Variants in ZCCHC7 observed in about 807,000 individuals in gnomAD.
The protein encoded by ZCCHC7 is zinc finger CCHC domain-containing protein 7.
ZCCHC7 carries 35 observed loss-of-function variants against 52.0 expected under a neutral mutation model. The observed-to-expected ratio is 0.67, with a 90% CI of 0.51 to 0.89. ZCCHC7 has a LOEUF of 0.89. Ranked by LOEUF, ZCCHC7 falls within the 40% of genes least tolerant of loss-of-function variation. The probability of loss-of-function intolerance (pLI) is 0.00; values close to 1 mark genes in which losing one functional copy is unlikely to be tolerated. For synonymous variants in ZCCHC7, 217 were observed against 221.5 expected (o/e 0.98, Z 0.18); for missense variants, 574 against 649.1 (o/e 0.88, Z 1.26).
intron 5 of ZCCHC7, among the ~76,000 whole-genome samples, chr9:37,320,973 G>GT (rs58809947): frequency 6.8e-6 from 1 of 147,166 alleles, no homozygotes; most frequent in African/African-American, 2.5e-5. Context: ...ATATAATTGG[G>GT]TTTTTTCTTT....
chr9:37,287,966 T>G (rs1828334309), intron 2 of ZCCHC7, among the ~76,000 whole-genome samples: 1 of 152,050 alleles, frequency 6.6e-6, no homozygotes, highest in Non-Finnish European at 1.5e-5. Context: ...CCATTTGGAC[T>G]TAAAGACCTT....
intron 2 of ZCCHC7, among the ~76,000 whole-genome samples, chr9:37,194,271 T>A (rs1277882262): frequency 6.6e-6 from 1 of 152,174 alleles, no homozygotes. Flanking sequence ...AGTACTTGAT[T>A]CCTGGTGATT....
intron 2 of ZCCHC7, among the ~76,000 whole-genome samples, chr9:37,165,311 CTT>C (rs555387893): frequency 2.9e-4 from 44 of 151,254 alleles, no homozygotes; most frequent in African/African-American, 1.0e-3. Context: ...ATGCAGATGA[CTT>C]TTTTGTTTTT....
chr9:37,356,060 G>A (rs1433428980), intron 8 of ZCCHC7, among the ~76,000 whole-genome samples: 1 of 152,040 alleles, frequency 6.6e-6, no homozygotes, highest in East Asian at 1.9e-4. Context: ...ATCGACGTCT[G>A]TAGCATAAAT....
At position 37,356,579 on chromosome 9, in the gene ZCCHC7, C is replaced by G. The variant is rs189234546; in HGVS notation, c.1199-256C>G. On this transcript the variant is annotated intron_variant, in intron 8 of 8. Transcript: ENST00000336755. ...AAAGCTAAGATGATTACTGTTCTTACAGGTCCTCATCTCCATTGCTTAACC... is the reference window on the plus strand; with the variant it reads ...AAAGCTAAGATGATTACTGTTCTTAGAGGTCCTCATCTCCATTGCTTAACC... Among the ~76,000 whole-genome samples, 4 of 152,316 alleles carry G rather than the reference C, an allele frequency of 2.6e-5. No individual in the cohort carries two copies. In the East Asian group the frequency reaches 7.7e-4, roughly 29 times the overall value.
intron 2 of ZCCHC7, among the ~76,000 whole-genome samples, chr9:37,153,976 A>G (rs1481166673): frequency 6.6e-6 from 1 of 152,042 alleles, no homozygotes; most frequent in Non-Finnish European, 1.5e-5. Context: ...TGCAGCCTCA[A>G]TCTTCAAGTT....
chr9:37,336,178 A>C (rs2118359092), intron 6 of ZCCHC7, among the ~76,000 whole-genome samples: 1 of 152,286 alleles, frequency 6.6e-6, no homozygotes, highest in African/African-American at 2.4e-5. Flanking sequence ...AACCAGCCTG[A>C]TTTCATAGCA....
chr9:37,207,055 G>T lies in ZCCHC7; in HGVS notation c.610+80113G>T, dbSNP rs143637269. On this transcript the variant is annotated intron_variant, in intron 2 of 8. Coordinates refer to ENST00000336755, the MANE Select transcript of ZCCHC7 (RefSeq NM_032226.3). ...AAGGGAGGATCGCTTGAACCCAGGAGTTTGAGGCTACAGTGAGCTATGATC... is the reference window on the plus strand; with the variant it reads ...AAGGGAGGATCGCTTGAACCCAGGATTTTGAGGCTACAGTGAGCTATGATC... Among the ~76,000 whole-genome samples the T allele has an allele frequency of 5.3e-5, 8 of 152,178 alleles. 1 individual carries two copies. The East Asian group carries it at 1.5e-3, about 29-fold the overall frequency.
At chr9:37,324,009 G>A (rs1830148026) in intron 5 of ZCCHC7, among the ~76,000 whole-genome samples, 1 of 152,274 alleles carries the variant, frequency 6.6e-6, no homozygotes, top group East Asian at 1.9e-4. Flanking sequence ...GATGGTGGTT[G>A]AGTCCAGAGA....
intron 2 of ZCCHC7, among the ~76,000 whole-genome samples, chr9:37,209,265 C>A (rs1824084567): frequency 6.6e-6 from 1 of 152,182 alleles, no homozygotes; most frequent in African/African-American, 2.4e-5. Context: ...TGGTCTCGAT[C>A]TCCTGACCTT....
chr9:37,316,715 C>T (rs990637532), intron 5 of ZCCHC7, among the ~76,000 whole-genome samples: 1 of 152,142 alleles, frequency 6.6e-6, no homozygotes, highest in African/African-American at 2.4e-5. Flanking sequence ...CAGCTCTTCA[C>T]AGGTCTCTGT....
chr9:37,210,372 T>G (rs920747992), intron 2 of ZCCHC7, among the ~76,000 whole-genome samples: 3 of 152,226 alleles, frequency 2.0e-5, no homozygotes, highest in African/African-American at 7.2e-5. Flanking sequence ...TATGAACATT[T>G]AGTATTTATA....
rs1320156420 is a variant in ZCCHC7, at chr9:37,358,006, T to A, written c.*738T>A. 2 of 152,206 alleles carry A rather than the reference T, an allele frequency of 1.3e-5. No homozygotes were observed. Among genetic ancestry groups the A allele is most frequent in the African/African-American group, 4.8e-5 (2 of 41,452 alleles). 9.4% of individuals were successfully genotyped at this position (152,206 alleles called of 1,614,324 possible). Reference sequence around the variant, plus strand: ...GGACTGTCACTCAGATCTGCAGAGATGAATATTACTCAAAAAATTTTTTTG... The same window carrying A: ...GGACTGTCACTCAGATCTGCAGAGAAGAATATTACTCAAAAAATTTTTTTG... On this transcript the variant is annotated 3_prime_UTR_variant, in exon 9 of 9. Coordinates refer to ENST00000336755, the MANE Select transcript of ZCCHC7 (RefSeq NM_032226.3).
chr9:37,131,907 A>G (rs1251343598), intron 2 of ZCCHC7, among the ~76,000 whole-genome samples: 1 of 152,178 alleles, frequency 6.6e-6, no homozygotes, highest in African/African-American at 2.4e-5. Flanking sequence ...AATTCATGTC[A>G]AAACATAGGC....
intron 5 of ZCCHC7, among the ~76,000 whole-genome samples, chr9:37,315,166 TTG>T (rs1226894832): frequency 2.0e-5 from 3 of 151,546 alleles, no homozygotes; most frequent in Admixed American, 2.0e-4. Flanking sequence ...ATGTATATGC[TTG>T]TGTGTGTATA....
At chr9:37,174,476 CTGTG>C (rs1306984540) in intron 2 of ZCCHC7, among the ~76,000 whole-genome samples, 3 of 152,066 alleles carry the variant, frequency 2.0e-5, no homozygotes, top group African/African-American at 4.8e-5. Flanking sequence ...TCTTGGAAGA[CTGTG>C]TGAGTCATCA....
chr9:37,306,625 C>T (rs895591419), intron 5 of ZCCHC7, among the ~76,000 whole-genome samples: 1 of 150,914 alleles, frequency 6.6e-6, no homozygotes, highest in Non-Finnish European at 1.5e-5. Flanking sequence ...GCCACCACAC[C>T]TGGCTAATTT....
intron 2 of ZCCHC7, among the ~76,000 whole-genome samples, chr9:37,174,318 A>G (rs2133001711): frequency 6.6e-6 from 1 of 152,336 alleles, no homozygotes; most frequent in African/African-American, 2.4e-5. Flanking sequence ...CCTGTCTCAA[A>G]AAAGAAAAAA....
intron 5 of ZCCHC7, among the ~76,000 whole-genome samples, chr9:37,307,768 A>T (rs1484437404): frequency 6.6e-6 from 1 of 152,172 alleles, no homozygotes; most frequent in East Asian, 1.9e-4. Context: ...ATATATATGT[A>T]TTTCTCATGT....
Sources: allele counts gnomAD v4.1 joint callset (sites outside exome capture counted in the v4.1 genomes callset), GRCh38; gene constraint gnomAD v4.1.1; transcripts MANE v1.5; gene names NCBI Gene and HGNC (gene_info 2026-07-23, HGNC 2026-07-21).